The following RIPK1 variants were observed in gnomAD, a reference collection of about 807,000 sequenced individuals.
The protein encoded by RIPK1 is receptor-interacting serine/threonine-protein kinase 1.
In RIPK1, 27 loss-of-function variants were observed where a neutral mutation model predicts 62.4. That is an observed-to-expected ratio of 0.43 (90% CI 0.32 to 0.60). RIPK1 has a LOEUF of 0.60. RIPK1 is among the 20% of genes least tolerant of loss of function. The pLI, the probability that RIPK1 is intolerant of heterozygous loss-of-function variation, is 0.07. For synonymous variants in RIPK1, 287 were observed against 303.2 expected, an observed-to-expected ratio of 0.95 and a Z score of 0.55; for missense variants, 735 against 831.0, an observed-to-expected ratio of 0.88 and a Z score of 1.42.
In RIPK1 at chr6:3,082,547, G is replaced by A. The variant is rs117289948; in HGVS notation, c.460-538G>A. 1.0e-3 allele frequency among the ~76,000 whole-genome samples: 155 copies of A among 151,980 alleles called. 2 individuals carry two copies. The East Asian group carries it at 0.024, about 24-fold the overall frequency. On this transcript the variant is annotated intron_variant, in intron 4 of 10. Transcript: ENST00000259808. ...TCCTTTCCACCCTATCTCCTCTTAG[G>A]TTCAGGCTACAGCTCAAAACAAGCA...
intron 3 of RIPK1, among the ~76,000 whole-genome samples, chr6:3,079,684 C>T (rs558740985): frequency 1.3e-5 from 2 of 152,292 alleles, no homozygotes; most frequent in African/African-American, 2.4e-5. Flanking sequence ...CCACAATTGC[C>T]AAGCCAACAG....
intron 2 of RIPK1, 48 bp from the exon 3 acceptor site, chr6:3,077,731 G>A (rs1296271931): frequency 6.2e-7 from 1 of 1,603,110 alleles, no homozygotes; most frequent in Non-Finnish European, 8.5e-7. Context: ...CCAGGCTCTT[G>A]AGGCGCTGGC....
At chr6:3,083,345 C>T (rs1406539995) in intron 5 of RIPK1, 32 bp downstream of exon 5, 2 of 1,564,132 alleles carry the variant, frequency 1.3e-6, no homozygotes, top group South Asian at 2.3e-5. Context: ...ACTGCCGTCC[C>T]CTCAGCATCT....
In RIPK1 at chr6:3,072,390, C is replaced by CAT. The variant is rs34461556; in HGVS notation, c.-61+3743_-61+3744dup. On this transcript the variant is annotated intron_variant, in intron 1 of 10. Transcript: ENST00000259808. This position sits in a 1 kb window ranked among gnomAD's most constrained non-coding sequence, Gnocchi z 5.6. Reference sequence around the variant, plus strand: ...CTGTACTTATATCTTTATCTATTTACATATATATATATATAAAACACACAC... The same window carrying CAT: ...CTGTACTTATATCTTTATCTATTTACATATATATATATATATAAAACACACAC... Among the ~76,000 whole-genome samples, 1,211 of 151,042 alleles carry CAT rather than the reference C, an allele frequency of 8.0e-3. 14 individuals carry two copies. The highest frequency in any genetic ancestry group is 0.019 in the African/African-American group (781 of 41,072).
rs1236810334 is a variant in RIPK1, at chr6:3,083,230, A to G, written c.605A>G (p.Asn202Ser). 6.2e-7 allele frequency: 1 copy of G among 1,614,038 alleles called. No homozygotes were observed. Among genetic ancestry groups the G allele is most frequent in the East Asian group, 2.2e-5 (1 of 44,888 alleles). The change falls in exon 5 of 11, where the codon AAC becomes AGC. Residue 202 changes from asparagine to serine, a missense_variant. Around this residue, in one of 2 missense-constraint regions of RIPK1, gnomAD observed 671 missense variants for 726.2 expected, o/e 0.92. Transcript: ENST00000259808. Reference sequence around the variant, plus strand: ...GCGCCCGAGCACCTGAATGACGTCAACGCAAAGCCCACAGAGAAGTCGGAT... The same window carrying G: ...GCGCCCGAGCACCTGAATGACGTCAGCGCAAAGCCCACAGAGAAGTCGGAT... The part of the protein sequence containing the change: ...YMAPEHLNDV[N>S]AKPTEKSDVY...
upstream of RIPK1, chr6:3,068,291 C>A: frequency 1.0e-6 from 1 of 985,598 alleles, no homozygotes; most frequent in Non-Finnish European, 1.2e-6. Flanking sequence ...AGACCCTTCT[C>A]CCTCTCGTGC....
rs1759122522 is a variant in RIPK1, at chr6:3,077,318, T to G, written c.164+331T>G. ...AGACCTATTCACTCGCTTCACATTT[T>G]CAGTGAGGACCAGCCCTAAGTATAA... On this transcript the variant is annotated intron_variant, in intron 2 of 10. Transcript: ENST00000259808. 1.3e-5 allele frequency among the ~76,000 whole-genome samples: 2 copies of G among 152,154 alleles called. 1 individual carries two copies. Among genetic ancestry groups the G allele is most frequent in the African/African-American group, 4.8e-5 (2 of 41,438 alleles).
chr6:3,086,823 CCT>C (rs1759718815), intron 6 of RIPK1, among the ~76,000 whole-genome samples: 1 of 152,184 alleles, frequency 6.6e-6, no homozygotes, highest in South Asian at 2.1e-4. Flanking sequence ...ATCTCCAGTC[CCT>C]CTCTCCTCAC....
intron 1 of RIPK1, among the ~76,000 whole-genome samples, chr6:3,069,138 G>A (rs1758555704): frequency 7.2e-6 from 1 of 138,426 alleles, no homozygotes; most frequent in Non-Finnish European, 1.6e-5. Context: ...GGAATAGGCA[G>A]TCCCACACGC....
upstream of RIPK1, chr6:3,068,034 G>A (rs986630090): frequency 4.7e-5 from 11 of 233,162 alleles, no homozygotes; most frequent in Non-Finnish European, 7.0e-5. Flanking sequence ...GTGAACAACC[G>A]CGCCCGGCCT....
rs3830793 is a variant in RIPK1, at chr6:3,080,799, G to GCCC, written c.322-173_322-171dup. 9.8e-3 allele frequency among the ~76,000 whole-genome samples: 1,442 copies of GCCC among 147,014 alleles called. 22 individuals are homozygous for GCCC. Among genetic ancestry groups the GCCC allele is most frequent in the African/African-American group, 0.034 (1,358 of 39,654 alleles). On this transcript the variant is annotated intron_variant, in intron 3 of 10. Transcript: ENST00000259808. ...ACAAAATACAACACGAATACCCTCT[G>GCCC]CCCCCCCCCGAATGAAATCTTTCTT...
At position 3,105,154 on chromosome 6, in the gene RIPK1, A is replaced by C. The variant is rs1301635780; in HGVS notation, c.1007-328A>C. ...GGCGTGAGCCACCGCACCCAGCCAC[A>C]GATCTTATTTTCCACCTGAATTGCT... On this transcript the variant is annotated intron_variant, in intron 8 of 10. Coordinates refer to ENST00000259808, the MANE Select transcript of RIPK1 (RefSeq NM_001354930.2). The surrounding 1 kb of genome is among the most constrained non-coding windows in gnomAD (Gnocchi z 4.5). 6.6e-6 allele frequency among the ~76,000 whole-genome samples: 1 copy of C among 152,174 alleles called. No homozygotes were observed. Among genetic ancestry groups the C allele is most frequent in the Non-Finnish European group, 1.5e-5 (1 of 68,018 alleles).
chr6:3,085,187 GTATTGT>G, intron 5 of RIPK1, 66 bp from the exon 6 acceptor site: 1 of 1,550,916 alleles, frequency 6.4e-7, no homozygotes, highest in Non-Finnish European at 8.9e-7. Context: ...AAAATGAGCA[GTATTGT>G]TCAAGTTCTG....
rs149294706 is a variant in RIPK1 at position 3,100,842 on chromosome 6, C to T, written c.916-3383C>T. On this transcript the variant is annotated intron_variant, in intron 7 of 10. Coordinates refer to ENST00000259808, the MANE Select transcript of RIPK1 (RefSeq NM_001354930.2). Reference sequence around the variant, plus strand: ...TCCTGACCTCAAGCGATCTGCTCGCCTCGGCCTCCTAGAGTGCTGGGATTA... The same window carrying T: ...TCCTGACCTCAAGCGATCTGCTCGCTTCGGCCTCCTAGAGTGCTGGGATTA... Among the ~76,000 whole-genome samples, 577 of 152,236 alleles carry T rather than the reference C, an allele frequency of 3.8e-3. 3 individuals are homozygous for T. The highest frequency in any genetic ancestry group is 0.013 in the African/African-American group (559 of 41,524).
chr6:3,079,173 T>C (rs1460381154), intron 3 of RIPK1, among the ~76,000 whole-genome samples: 3 of 152,014 alleles, frequency 2.0e-5, no homozygotes, highest in African/African-American at 7.2e-5. Context: ...TCCACCTCCC[T>C]GGTTCAAGCA....
rs2113728519 is a variant in RIPK1, at chr6:3,113,679, C to G, written c.*340C>G. ...GGAAGACCTCTTAATGGCATAGCAC[C>G]AATAAAAAAATGACTCCTAGTTGTG... On this transcript the variant is annotated 3_prime_UTR_variant, in exon 11 of 11. Coordinates refer to ENST00000259808, the MANE Select transcript of RIPK1 (RefSeq NM_001354930.2). This position sits in a 1 kb window ranked among gnomAD's most constrained non-coding sequence, Gnocchi z 5.0. 1 of 197,764 alleles carries G rather than the reference C, an allele frequency of 5.1e-6. No homozygotes were observed. The highest frequency in any genetic ancestry group is 1.6e-4 in the South Asian group (1 of 6,176). The allele number at this position is 197,764 out of a possible 1,614,324, so 12.3% of individuals were successfully genotyped here.
At chr6:3,064,819 G>A (rs1220731792), upstream of RIPK1, among the ~76,000 whole-genome samples, 1 of 152,208 alleles carries the variant, frequency 6.6e-6, no homozygotes, top group Admixed American at 6.5e-5. Context: ...ATGGCCAGAG[G>A]TGGAGGCTGT....
At chr6:3,089,945 G>T (rs952806951) in intron 7 of RIPK1, among the ~76,000 whole-genome samples, 1 of 152,164 alleles carries the variant, frequency 6.6e-6, no homozygotes, top group African/African-American at 2.4e-5. Context: ...GCCATTTTGA[G>T]GAATTCTTGA....
chr6:3,067,739 GCT>G (rs1758445990), upstream of RIPK1, among the ~76,000 whole-genome samples: 3 of 56,702 alleles, frequency 5.3e-5, no homozygotes, highest in African/African-American at 1.6e-4. Flanking sequence ...ATCCTGTTGT[GCT>G]TTTTTTTTTT....
Sources: allele counts gnomAD v4.1 joint callset (sites outside exome capture counted in the v4.1 genomes callset), GRCh38; gene constraint gnomAD v4.1.1; regional missense constraint gnomAD v4.1.1; non-coding constraint Gnocchi (gnomAD v3.1); transcripts MANE v1.5; gene names NCBI Gene and HGNC (gene_info 2026-07-23, HGNC 2026-07-21).